MECOM: variants seen among roughly 807,000 people sequenced by gnomAD.
MECOM encodes MDS1 and EVI1 complex locus.
MECOM carries 13 observed loss-of-function variants against 116.3 expected under a neutral mutation model. That is an observed-to-expected ratio of 0.11 (90% CI 0.07 to 0.18). The LOEUF is 0.18. Among genes scored for constraint, MECOM ranks in the 10% least tolerant of loss-of-function variants. The pLI is 1.00. For missense variants in MECOM, 1,299 were observed against 1,509.0 expected (o/e 0.86, Z 2.31); for synonymous variants, 528 against 535.2 (o/e 0.99, Z 0.19).
intron 1 of MECOM, among the ~76,000 whole-genome samples, chr3:169,414,272 C>T (rs985316571): frequency 2.0e-5 from 3 of 152,344 alleles, no homozygotes; most frequent in African/African-American, 7.2e-5. Context: ...CCCCAGCAAA[C>T]TCCAGCAGAC....
chr3:169,549,473 C>T (rs1761113730), intron 1 of MECOM, among the ~76,000 whole-genome samples: 2 of 151,982 alleles, frequency 1.3e-5, no homozygotes, highest in South Asian at 4.2e-4. Context: ...GAAACTTATC[C>T]TGATACCAAA....
chr3:169,300,674 C>T (rs1023337069), intron 2 of MECOM, among the ~76,000 whole-genome samples: 4 of 152,192 alleles, frequency 2.6e-5, no homozygotes, highest in Admixed American at 2.6e-4. Context: ...CATTTATTGA[C>T]ATGATCTCAC....
chr3:169,593,961 A>T (rs1766746760), intron 1 of MECOM, among the ~76,000 whole-genome samples: 2 of 151,928 alleles, frequency 1.3e-5, no homozygotes, highest in African/African-American at 4.8e-5. Context: ...TCTACTAAAA[A>T]CACAAAAAAA....
chr3:169,087,185 G>C (rs1020811377), intron 16 of MECOM, among the ~76,000 whole-genome samples: 6 of 152,088 alleles, frequency 3.9e-5, no homozygotes, highest in Non-Finnish European at 1.5e-5. Context: ...CTTATCTGTA[G>C]GTTTTCAGGC....
chr3:169,427,992 A>T (rs1740997146), intron 1 of MECOM, among the ~76,000 whole-genome samples: 2 of 152,182 alleles, frequency 1.3e-5, no homozygotes, highest in Non-Finnish European at 2.9e-5. Context: ...CTATAAGAAG[A>T]GGAGATTAGA....
chr3:169,106,093 A>T (rs1725316278), intron 10 of MECOM, among the ~76,000 whole-genome samples: 1 of 152,180 alleles, frequency 6.6e-6, no homozygotes, highest in Non-Finnish European at 1.5e-5. Context: ...ATTACACATG[A>T]CTTTATCATA....
At chr3:169,625,034 GA>G (rs35241873) in intron 1 of MECOM, among the ~76,000 whole-genome samples, 69,841 of 133,864 alleles carry the variant, frequency 0.52, 17,406 homozygotes, top group African/African-American at 0.62. Flanking sequence ...TTTGTCCTTG[GA>G]AAAAAAAAAA....
intron 2 of MECOM, among the ~76,000 whole-genome samples, chr3:169,201,093 C>T (rs569630698): frequency 7.2e-5 from 11 of 152,200 alleles, no homozygotes; most frequent in South Asian, 4.1e-4. Flanking sequence ...GTTGCATGTA[C>T]GTCTTTCAAG....
intron 5 of MECOM, among the ~76,000 whole-genome samples, chr3:169,123,189 A>G (rs1731619256): frequency 6.6e-6 from 1 of 151,680 alleles, no homozygotes; most frequent in Admixed American, 6.6e-5. Flanking sequence ...ACTGAAACAC[A>G]AACACTCAAA....
chr3:169,323,545 A>G (rs1560131640), intron 2 of MECOM, among the ~76,000 whole-genome samples: 1 of 152,214 alleles, frequency 6.6e-6, no homozygotes. Flanking sequence ...TCAAGATCTC[A>G]ATATTGAACC....
At chr3:169,587,844 C>A (rs1429034001) in intron 1 of MECOM, among the ~76,000 whole-genome samples, 1 of 151,634 alleles carries the variant, frequency 6.6e-6, no homozygotes, top group Non-Finnish European at 1.5e-5. Flanking sequence ...TATTTGTTTA[C>A]AAAGTTCTAT....
rs1489136887 is a variant in MECOM, at chr3:169,095,019, TC to T, written c.3019+56del. 4 of 1,388,324 alleles carry T rather than the reference TC, an allele frequency of 2.9e-6. No individual in the cohort carries two copies. In the African/African-American group the frequency reaches 5.8e-5, roughly 20 times the overall value. 86.0% of individuals were successfully genotyped at this position (1,388,324 alleles called of 1,614,324 possible). ...GAAGAAAGATCACATTATCTTATTA[TC>T]TTTTAAAACACGAAAAAGAAGTCAT... On this transcript the variant is annotated intron_variant, in intron 13 of 16. Coordinates refer to ENST00000651503, the MANE Select transcript of MECOM (RefSeq NM_004991.4).
rs1481691528 is a variant in MECOM, at chr3:169,112,832, T to C, written c.2532A>G (p.Lys844=). 1.9e-6 allele frequency: 3 copies of C among 1,613,220 alleles called. No homozygotes were observed. Among genetic ancestry groups the C allele is most frequent in the Non-Finnish European group, 2.5e-6 (3 of 1,179,464 alleles). Residue 844 remains lysine, a synonymous_variant, in exon 9 of 17, where the codon AAA becomes AAG. Coordinates refer to ENST00000651503, the MANE Select transcript of MECOM (RefSeq NM_004991.4). ...CTGGAGAAGGCCTCAAGTATTTCTC[T>C]TTTAAAGCTTCAAGTGGGTCAGTTA... ...RKLTDPLEAL[K]EKYLRPSPGF...
At position 169,576,838 on chromosome 3, in the gene MECOM, C is replaced by CACACACAG. The variant is rs368016499; in HGVS notation, c.37+86497_37+86498insCTGTGTGT. Among the ~76,000 whole-genome samples the CACACACAG allele has an allele frequency of 1.3e-3, 164 of 125,092 alleles. 2 individuals are homozygous for CACACACAG. The highest frequency in any genetic ancestry group is 4.4e-3 in the African/African-American group (152 of 34,902). The allele number at this position is 125,092 out of a possible 152,430, so 82.1% of individuals were successfully genotyped here. A position where few individuals can be genotyped will look rare whatever the true frequency, so the allele number is the denominator to read the frequency against. The stretch of plus-strand genomic sequence containing the variant: ...ACACACACACACACACACACACACA[C>CACACACAG]AGAGAGAGAGAGAGAGAGTTAAGAG... On this transcript the variant is annotated intron_variant, in intron 1 of 16. Transcript: ENST00000651503.
chr3:169,170,893 A>T (rs1469011982), intron 2 of MECOM, among the ~76,000 whole-genome samples: 3 of 152,178 alleles, frequency 2.0e-5, no homozygotes, highest in African/African-American at 7.2e-5. Flanking sequence ...CTCAATTTTG[A>T]ATTCTAAATT....
intron 2 of MECOM, among the ~76,000 whole-genome samples, chr3:169,203,029 A>C (rs1032815928): frequency 2.6e-5 from 4 of 152,160 alleles, no homozygotes; most frequent in African/African-American, 9.6e-5. Context: ...GCCATTTCTC[A>C]CCAACTTCCT....
chr3:169,441,065 T>A (rs996677604), intron 1 of MECOM, among the ~76,000 whole-genome samples: 1 of 152,282 alleles, frequency 6.6e-6, no homozygotes, highest in East Asian at 1.9e-4. Context: ...GGAATACAGA[T>A]AACAATGAGT....
intron 2 of MECOM, among the ~76,000 whole-genome samples, chr3:169,247,276 CA>C (rs1755704855): frequency 1.3e-5 from 2 of 151,008 alleles, no homozygotes; most frequent in African/African-American, 4.9e-5. Context: ...AAAGGAAAAA[CA>C]AAAAAGCTAA....
chr3:169,315,365 A>G (rs1323279948), intron 2 of MECOM, among the ~76,000 whole-genome samples: 5 of 152,212 alleles, frequency 3.3e-5, no homozygotes, highest in African/African-American at 1.2e-4. Context: ...TCATTCGGAT[A>G]TATCTGTTTA....
Sources: allele counts gnomAD v4.1 joint callset (sites outside exome capture counted in the v4.1 genomes callset), GRCh38; gene constraint gnomAD v4.1.1; transcripts MANE v1.5; gene names NCBI Gene and HGNC (gene_info 2026-07-23, HGNC 2026-07-21).